GRM7: variants seen among roughly 807,000 people sequenced by gnomAD.
The protein encoded by GRM7 is metabotropic glutamate receptor 7.
In GRM7, 35 loss-of-function variants were observed where a neutral mutation model predicts 84.5. That is an observed-to-expected ratio of 0.41 (90% confidence interval 0.32 to 0.55). The LOEUF is 0.55. Among genes scored for constraint, GRM7 ranks in the 20% least tolerant of loss-of-function variants. The pLI is 0.19. For synonymous variants in GRM7, 487 were observed against 455.1 expected (o/e 1.07, Z -0.89); for missense variants, 1,003 against 1,194.6 (o/e 0.84, Z 2.36).
At chr3:7,294,280 G>A (rs1699738601) in intron 2 of GRM7, among the ~76,000 whole-genome samples, 1 of 152,200 alleles carries the variant, frequency 6.6e-6, no homozygotes, top group Non-Finnish European at 1.5e-5. Flanking sequence ...ATCCTGATGA[G>A]AAGCTGGGTT....
intron 8 of GRM7, among the ~76,000 whole-genome samples, chr3:7,579,618 T>G (rs1695148388): frequency 6.6e-6 from 1 of 152,210 alleles, no homozygotes; most frequent in African/African-American, 2.4e-5. Context: ...AATGAGAGAT[T>G]ATCTAGCATA....
At chr3:7,247,624 GAAGA>G (rs1426155143) in intron 2 of GRM7, among the ~76,000 whole-genome samples, 1 of 134,978 alleles carries the variant, frequency 7.4e-6, no homozygotes, top group East Asian at 2.2e-4. Flanking sequence ...AAAAAAAGAA[GAAGA>G]AAGAAAGAAA....
At chr3:7,609,705 T>A (rs1164886191) in intron 8 of GRM7, among the ~76,000 whole-genome samples, 1 of 152,064 alleles carries the variant, frequency 6.6e-6, no homozygotes. Flanking sequence ...ATGGATGAAA[T>A]CATCACCTAG....
At chr3:6,913,921 A>AT (rs1696857793) in intron 1 of GRM7, among the ~76,000 whole-genome samples, 1 of 151,980 alleles carries the variant, frequency 6.6e-6, no homozygotes. Context: ...ATAAAATATC[A>AT]TTTTTTCTCT....
chr3:7,511,445 T>C (rs941871080), intron 7 of GRM7, among the ~76,000 whole-genome samples: 6 of 152,186 alleles, frequency 3.9e-5, no homozygotes, highest in Middle Eastern at 3.4e-3. Context: ...ACCACAGACA[T>C]TGTGACTGCA....
intron 1 of GRM7, among the ~76,000 whole-genome samples, chr3:7,061,003 A>G (rs908253347): frequency 3.3e-5 from 5 of 151,804 alleles, no homozygotes; most frequent in African/African-American, 1.2e-4. Context: ...TATTTCTGTG[A>G]ATGCAATTTA....
chr3:7,062,727 C>T (rs775523574), intron 1 of GRM7, among the ~76,000 whole-genome samples: 18 of 151,576 alleles, frequency 1.2e-4, no homozygotes, highest in Non-Finnish European at 8.9e-5. Flanking sequence ...TTAATTCATG[C>T]AAAAATGGTG....
chr3:7,603,665 A>C (rs925272742), intron 8 of GRM7, among the ~76,000 whole-genome samples: 10 of 152,054 alleles, frequency 6.6e-5, no homozygotes, highest in African/African-American at 2.4e-4. Flanking sequence ...CTGGAGTGTT[A>C]GGATTTTTGT....
chr3:7,527,100 C>T (rs1489120747), intron 7 of GRM7, among the ~76,000 whole-genome samples: 3 of 151,798 alleles, frequency 2.0e-5, no homozygotes, highest in Admixed American at 6.6e-5. Context: ...GCATTGAATA[C>T]GTACATTGCT....
intron 1 of GRM7, among the ~76,000 whole-genome samples, chr3:6,908,402 A>G (rs749096321): frequency 7.2e-5 from 11 of 152,196 alleles, no homozygotes; most frequent in Non-Finnish European, 1.3e-4. Context: ...TGCAGCAATG[A>G]TCTGTTTAAT....
chr3:7,426,746 A>T (rs1696626833), intron 5 of GRM7, among the ~76,000 whole-genome samples: 1 of 152,126 alleles, frequency 6.6e-6, no homozygotes, highest in Non-Finnish European at 1.5e-5. Flanking sequence ...GTGGATCCCC[A>T]TCTTCACATC....
intron 2 of GRM7, among the ~76,000 whole-genome samples, chr3:7,153,309 C>G (rs1383278052): frequency 1.3e-5 from 2 of 152,022 alleles, no homozygotes; most frequent in African/African-American, 2.4e-5. Flanking sequence ...TTGCCTTCAA[C>G]CTTCATGAAT....
intron 8 of GRM7, among the ~76,000 whole-genome samples, chr3:7,640,000 A>T (rs1698290747): frequency 6.6e-6 from 1 of 152,118 alleles, no homozygotes; most frequent in Admixed American, 6.6e-5. Context: ...ATTTTTTGAG[A>T]TTCAATCATG....
intron 1 of GRM7, among the ~76,000 whole-genome samples, chr3:7,007,091 G>A (rs985232863): frequency 1.1e-4 from 17 of 152,170 alleles, no homozygotes; most frequent in African/African-American, 4.1e-4. Flanking sequence ...TCGGTCTCCA[G>A]CTTAAATTAG....
At chr3:7,263,231 C>G (rs1698504582) in intron 2 of GRM7, among the ~76,000 whole-genome samples, 1 of 152,178 alleles carries the variant, frequency 6.6e-6, no homozygotes, top group South Asian at 2.1e-4. Context: ...TGTTCTTACT[C>G]TGGGGGACTG....
chr3:7,490,417 C>G (rs890126040), intron 7 of GRM7, among the ~76,000 whole-genome samples: 1 of 152,118 alleles, frequency 6.6e-6, no homozygotes, highest in African/African-American at 2.4e-5. Flanking sequence ...AAGCATAGCA[C>G]CATTTCAGAT....
chr3:6,927,936 G>A (rs1323031123), intron 1 of GRM7, among the ~76,000 whole-genome samples: 1 of 152,004 alleles, frequency 6.6e-6, no homozygotes, highest in Non-Finnish European at 1.5e-5. Context: ...ATAGATTTCT[G>A]TTACTTCTTC....
intron 4 of GRM7, among the ~76,000 whole-genome samples, chr3:7,412,228 GC>G (rs1695971121): frequency 6.6e-6 from 1 of 152,158 alleles, no homozygotes; most frequent in South Asian, 2.1e-4. Flanking sequence ...AGCCTTGGGT[GC>G]CCCCTGGCAC....
chr3:7,475,006 G>C (rs1014675227), intron 7 of GRM7, among the ~76,000 whole-genome samples: 1 of 152,126 alleles, frequency 6.6e-6, no homozygotes, highest in Non-Finnish European at 1.5e-5. Context: ...TGGCCAATAG[G>C]TGTGGATTCC....
Sources: allele counts gnomAD v4.1 joint callset (sites outside exome capture counted in the v4.1 genomes callset), GRCh38; gene constraint gnomAD v4.1.1; transcripts MANE v1.5; gene names NCBI Gene and HGNC (gene_info 2026-07-23, HGNC 2026-07-21).